NEMF: variants seen among roughly 807,000 people sequenced by gnomAD.
NEMF encodes ribosome quality control complex subunit NEMF.
Under a neutral mutation model 162.2 loss-of-function variants are expected in NEMF, and 89 were observed. The ratio of observed to expected loss-of-function variants is 0.55; its 90% CI spans 0.46 to 0.65. The LOEUF (loss-of-function observed/expected upper bound fraction) is 0.65, where lower values mean the gene tolerates loss of function less well. Ranked by LOEUF, NEMF falls within the 30% of genes least tolerant of loss-of-function variation. NEMF has a pLI of 0.00. For synonymous variants in NEMF, 421 were observed against 404.5 expected (o/e 1.04, Z -0.49); for missense variants, 1,133 against 1,261.9 (o/e 0.90, Z 1.55).
At position 49,811,392 on chromosome 14, in the gene NEMF, T is replaced by C. The variant is rs149767218; in HGVS notation, c.1744+2596A>G. On this transcript the variant is annotated intron_variant, in intron 18 of 32. Coordinates refer to ENST00000298310, the MANE Select transcript of NEMF (RefSeq NM_004713.6). ...TAAATGTGTGTGACCATATCAACTG[T>C]AAACATAGGTAGCTTTACTTTTGCC... 3.5e-3 allele frequency among the ~76,000 whole-genome samples: 511 copies of C among 148,090 alleles called. 1 individual carries two copies. Among genetic ancestry groups the C allele is most frequent in the Non-Finnish European group, 5.2e-3 (349 of 67,262 alleles).
At chr14:49,801,578 C>T (rs888266573) in intron 22 of NEMF, 1 of 151,924 alleles carries the variant, frequency 6.6e-6, no homozygotes, top group Non-Finnish European at 1.5e-5. Context: ...TCTTGCAGCA[C>T]AACAGTAATA....
chr14:49,786,596 T>G (rs1034273992), intron 29 of NEMF, 122 bp downstream of exon 29: 32 of 905,296 alleles, frequency 3.5e-5, no homozygotes, highest in Non-Finnish European at 5.4e-5. Context: ...CCCCGAAAGT[T>G]TGACTTCGTA....
chr14:49,845,579 T>C (rs559698638), intron 4 of NEMF, among the ~76,000 whole-genome samples: 15 of 152,224 alleles, frequency 9.9e-5, no homozygotes, highest in African/African-American at 3.1e-4. Flanking sequence ...TGTACAATAC[T>C]TTCTTTCTTT....
At chr14:49,830,398 AT>A (rs113285668) in intron 11 of NEMF, among the ~76,000 whole-genome samples, 1 of 151,646 alleles carries the variant, frequency 6.6e-6, no homozygotes, top group Non-Finnish European at 1.5e-5. Context: ...AAACAATTTG[AT>A]TTTTTTTTCT....
chr14:49,782,899 C>A lies in NEMF; in HGVS notation c.*1737G>T, dbSNP rs1889975655. ...ACTCATGGAACTGCCTTCCAAAACACTTACTTCACAGTGTTAATCAGAGGT... is the reference window on the plus strand; with the variant it reads ...ACTCATGGAACTGCCTTCCAAAACAATTACTTCACAGTGTTAATCAGAGGT... On this transcript the variant is annotated 3_prime_UTR_variant, in exon 33 of 33. Transcript: ENST00000298310. 1.2e-6 allele frequency: 2 copies of A among 1,613,676 alleles called. No homozygotes were observed. Among genetic ancestry groups the A allele is most frequent in the African/African-American group, 2.7e-5 (2 of 74,920 alleles).
At chr14:49,813,885 T>A in intron 18 of NEMF, 103 bp downstream of exon 18, 2 of 704,512 alleles carry the variant, frequency 2.8e-6, no homozygotes, top group Non-Finnish European at 5.1e-6. Flanking sequence ...ATTACAGGCA[T>A]GAGCCACCAC....
At chr14:49,797,755 A>ATCATTATT (rs1192820022) in intron 25 of NEMF, among the ~76,000 whole-genome samples, 1 of 152,258 alleles carries the variant, frequency 6.6e-6, no homozygotes, top group Non-Finnish European at 1.5e-5. Flanking sequence ...ATACACTGAA[A>ATCATTATT]TCATTATTGT....
chr14:49,834,552 T>C (rs2139987219), intron 6 of NEMF, 103 bp from the exon 7 acceptor site: 1 of 747,014 alleles, frequency 1.3e-6, no homozygotes, highest in East Asian at 2.9e-5. Flanking sequence ...CGGAGTGCAA[T>C]GGTGCAATCT....
chr14:49,840,890 T>G, intron 4 of NEMF, 24 bp from the exon 5 acceptor site: 1 of 1,599,942 alleles, frequency 6.3e-7, no homozygotes, highest in Middle Eastern at 1.7e-4. Context: ...AAATACAATT[T>G]AGCGCTCTTT....
chr14:49,811,857 T>G (rs1340840848), intron 18 of NEMF, among the ~76,000 whole-genome samples: 1 of 152,226 alleles, frequency 6.6e-6, no homozygotes, highest in African/African-American at 2.4e-5. Flanking sequence ...TTGTCAAAGA[T>G]TTTTGTCTAT....
rs529586825 is a variant in NEMF, at chr14:49,829,343, T to C, written c.1023+6A>G. On this transcript the variant is annotated splice_donor_region_variant and intron_variant, in intron 12 of 32. Transcript: ENST00000298310. ...GAAAAAGCACTGAGAAAGCCAAACA[T>C]AATACCTGAGCCTGCTGAAGAGCTT... 133 of 1,613,878 alleles carry C rather than the reference T, an allele frequency of 8.2e-5. No individual in the cohort carries two copies. Among genetic ancestry groups the C allele is most frequent in the Non-Finnish European group, 1.0e-4 (118 of 1,179,884 alleles).
intron 20 of NEMF, among the ~76,000 whole-genome samples, 156 bp downstream of exon 20, chr14:49,803,081 G>A (rs1265435343): frequency 6.6e-6 from 1 of 152,138 alleles, no homozygotes; most frequent in Non-Finnish European, 1.5e-5. Context: ...CACTAAACTT[G>A]TCACACCAAG....
rs1167908212 is a variant in NEMF, at chr14:49,799,455, A to G, written c.2465+20T>C. The G allele has an allele frequency of 1.1e-5, 17 of 1,582,646 alleles. No individual in the cohort carries two copies. Among genetic ancestry groups the G allele is most frequent in the Non-Finnish European group, 1.5e-5 (17 of 1,168,752 alleles). ...AAAAGAAAAACATGCTTTTTAGTTA[A>G]TTAACACAGATGTGTTTACCTTCTT... is the stretch of plus-strand genomic sequence containing the variant. On this transcript the variant is annotated intron_variant, in intron 25 of 32. Coordinates refer to ENST00000298310, the MANE Select transcript of NEMF (RefSeq NM_004713.6).
intron 16 of NEMF, 32 bp downstream of exon 16, chr14:49,825,835 A>G: frequency 1.4e-6 from 2 of 1,397,040 alleles, no homozygotes; most frequent in East Asian, 2.3e-5. Context: ...AATAAAAACA[A>G]AAACTGTATT....
intron 18 of NEMF, among the ~76,000 whole-genome samples, chr14:49,811,204 T>C (rs1016322699): frequency 1.3e-5 from 2 of 152,358 alleles, no homozygotes; most frequent in African/African-American, 4.8e-5. Flanking sequence ...TTATTCTTTT[T>C]AATGCTAATT....
intron 25 of NEMF, among the ~76,000 whole-genome samples, chr14:49,797,057 T>C (rs1417035678): frequency 6.6e-6 from 1 of 152,230 alleles, no homozygotes; most frequent in Non-Finnish European, 1.5e-5. Flanking sequence ...TATGACTACT[T>C]CCTGAATCCA....
intron 16 of NEMF, among the ~76,000 whole-genome samples, chr14:49,815,395 G>A (rs948235581): frequency 2.0e-5 from 3 of 152,098 alleles, no homozygotes; most frequent in African/African-American, 7.2e-5. Context: ...ATACCTGCAA[G>A]ATAAAAAGTA....
chr14:49,852,440 C>G (rs1423108352), intron 1 of NEMF, among the ~76,000 whole-genome samples: 2 of 152,256 alleles, frequency 1.3e-5, no homozygotes, highest in East Asian at 1.9e-4. Context: ...GCCAACAATG[C>G]AAGAGCTTCG....
At chr14:49,790,941 C>T (rs1430263743) in intron 26 of NEMF, among the ~76,000 whole-genome samples, 2 of 150,434 alleles carry the variant, frequency 1.3e-5, no homozygotes, top group African/African-American at 2.4e-5. Context: ...TGCGGTGAGC[C>T]GAGATCATGC....
Sources: allele counts gnomAD v4.1 joint callset (sites outside exome capture counted in the v4.1 genomes callset), GRCh38; gene constraint gnomAD v4.1.1; transcripts MANE v1.5; gene names NCBI Gene and HGNC (gene_info 2026-07-23, HGNC 2026-07-21).